Variants in AGBL2 observed in about 807,000 individuals in gnomAD.
AGBL2 encodes the protein AGBL carboxypeptidase 2.
Under a neutral mutation model 103.0 loss-of-function variants are expected in AGBL2, and 87 were observed. The observed-to-expected ratio is 0.84, with a 90% CI of 0.71 to 1.01. AGBL2 has a LOEUF of 1.01. Among genes scored for constraint, AGBL2 ranks in the 50% least tolerant of loss-of-function variants. The pLI is 0.00. For missense variants in AGBL2, 904 were observed against 1,023.5 expected (o/e 0.88, Z 1.59); for synonymous variants, 335 against 356.7 (o/e 0.94, Z 0.69).
Position 47,671,950 on chromosome 11 carries a change from G to C in AGBL2, c.2148-3043C>G, listed in dbSNP as rs537332499. On this transcript the variant is annotated intron_variant, in intron 14 of 18. Coordinates refer to ENST00000525123, the MANE Select transcript of AGBL2 (RefSeq NM_024783.4). The stretch of plus-strand genomic sequence containing the variant: ...CCTTTGCAATCGTGACAATGAATAG[G>C]TGGAACCCCACTGGAGACTGTGACA... 9.9e-5 allele frequency among the ~76,000 whole-genome samples: 15 copies of C among 152,252 alleles called. No homozygotes were observed. In the South Asian group the frequency reaches 2.9e-3, roughly 29 times the overall value.
intron 18 of AGBL2, among the ~76,000 whole-genome samples, chr11:47,662,532 ACC>A (rs1361589919): frequency 7.0e-6 from 1 of 142,208 alleles, no homozygotes; most frequent in African/African-American, 2.6e-5. Context: ...GCACTCTGTC[ACC>A]CAGGCTGGAG....
Position 47,660,076 on chromosome 11 carries a change from G to T in AGBL2, c.*97C>A, listed in dbSNP as rs1190967497. ...GAGTGCACAACACAGTATACCACAA[G>T]TAAATGCAGTTCCCAGTCATACATC... is the stretch of plus-strand genomic sequence containing the variant. On this transcript the variant is annotated 3_prime_UTR_variant, in exon 19 of 19. Coordinates refer to ENST00000525123, the MANE Select transcript of AGBL2 (RefSeq NM_024783.4). 2.2e-6 allele frequency: 3 copies of T among 1,351,812 alleles called. No individual in the cohort carries two copies. The highest frequency in any genetic ancestry group is 3.0e-6 in the Non-Finnish European group (3 of 984,240). 83.7% of individuals were successfully genotyped at this position (1,351,812 alleles called of 1,614,324 possible).
Position 47,667,682 on chromosome 11 carries a change from C to A in AGBL2, c.2229G>T (p.Lys743Asn), listed in dbSNP as rs201481571. The A allele has an allele frequency of 6.0e-5, 96 of 1,611,480 alleles. No homozygotes were observed. Among genetic ancestry groups the A allele is most frequent in the Non-Finnish European group, 7.6e-5 (90 of 1,179,628 alleles). ...ANIADELTQK[K>N]KMFKKKKKKS... is the part of the protein sequence containing the mutation. ...TCTTTTTTTTCTTCTTAAACATCTT[C>A]TTTTTCTGAGTCAGCTATTCCAGAA... The change falls in exon 16 of 19, where the codon AAG (lysine) becomes AAT (asparagine). Residue 743 changes from lysine to asparagine, a missense_variant. Lys to Asn is a moderately conservative substitution (Grantham distance 94). Transcript: ENST00000525123.
intron 14 of AGBL2, among the ~76,000 whole-genome samples, chr11:47,676,506 C>G (rs2097375054): frequency 6.6e-6 from 1 of 152,166 alleles, no homozygotes; most frequent in Non-Finnish European, 1.5e-5. Flanking sequence ...ACACAGCAGC[C>G]AGTGTTCCTG....
chr11:47,662,646 C>T (rs1014567464), intron 18 of AGBL2, among the ~76,000 whole-genome samples: 4 of 151,992 alleles, frequency 2.6e-5, no homozygotes, highest in Non-Finnish European at 5.9e-5. Flanking sequence ...GCACACACCA[C>T]CATGCCCAAC....
At chr11:47,689,933 C>T (rs146155414) in intron 10 of AGBL2, 143 bp downstream of exon 10, 2 of 667,724 alleles carry the variant, frequency 3.0e-6, no homozygotes, top group East Asian at 6.0e-5. Context: ...CACTTGACTA[C>T]AAAGAGACTG....
Position 47,669,858 on chromosome 11 carries a change from G to T in AGBL2, c.2148-951C>A, listed in dbSNP as rs563345785. Reference sequence around the variant, plus strand: ...GATCTCCTGACTTCATGATCCTCCCGCCTCGGCCTCCCAAAGTGCTGGGAT... The same window carrying T: ...GATCTCCTGACTTCATGATCCTCCCTCCTCGGCCTCCCAAAGTGCTGGGAT... On this transcript the variant is annotated intron_variant, in intron 14 of 18. Transcript: ENST00000525123. Among the ~76,000 whole-genome samples, 10 of 152,158 alleles carry T rather than the reference G, an allele frequency of 6.6e-5. No homozygotes were observed. The South Asian group carries it at 2.1e-3, about 32-fold the overall frequency.
At position 47,677,361 on chromosome 11, in the gene AGBL2, T is replaced by C. The variant is rs140459255; in HGVS notation, c.2057A>G (p.Gln686Arg). 4 of 1,611,228 alleles carry C rather than the reference T, an allele frequency of 2.5e-6. No individual in the cohort carries two copies. The highest frequency in any genetic ancestry group is 2.7e-5 in the African/African-American group (2 of 74,820). ...CLAELKELLR[Q>R]EIHKKFHELG... ...TTCATGGAATTTCTTGTGGATTTCC[T>C]GTCGTAAAAGCTCCTTAAGCTCTGC... Residue 686 changes from glutamine (Q) to arginine (R), a missense_variant, in exon 14 of 19, where the codon CAG (glutamine) becomes CGG (arginine). Gln to Arg is a conservative substitution (Grantham distance 43). Transcript: ENST00000525123.
chr11:47,711,795 A>G (rs1213663814), intron 3 of AGBL2, among the ~76,000 whole-genome samples: 1 of 152,160 alleles, frequency 6.6e-6, no homozygotes, highest in Admixed American at 6.5e-5. Flanking sequence ...TTGGCCTCCC[A>G]AAGTGCTGGG....
intron 14 of AGBL2, among the ~76,000 whole-genome samples, chr11:47,671,872 T>C (rs1425921112): frequency 6.6e-6 from 1 of 152,194 alleles, no homozygotes; most frequent in Non-Finnish European, 1.5e-5. Flanking sequence ...AACCTTTGTG[T>C]GTACACACAC....
At chr11:47,674,194 A>G (rs1193966861) in intron 14 of AGBL2, among the ~76,000 whole-genome samples, 1 of 152,156 alleles carries the variant, frequency 6.6e-6, no homozygotes, top group Non-Finnish European at 1.5e-5. Flanking sequence ...CCTAAGGGGG[A>G]TAAGGAGTGG....
At chr11:47,671,383 G>C (rs946415009) in intron 14 of AGBL2, among the ~76,000 whole-genome samples, 3 of 152,096 alleles carry the variant, frequency 2.0e-5, no homozygotes, top group African/African-American at 7.2e-5. Context: ...AGCTGGGTGT[G>C]GTAGCGGGTG....
At chr11:47,670,980 C>A (rs1004190807) in intron 14 of AGBL2, among the ~76,000 whole-genome samples, 1 of 150,662 alleles carries the variant, frequency 6.6e-6, no homozygotes, top group East Asian at 1.9e-4. Context: ...GGCGACAGAG[C>A]GACACTCTTT....
chr11:47,703,106 C>T (rs2097504919), intron 7 of AGBL2, among the ~76,000 whole-genome samples: 2 of 152,012 alleles, frequency 1.3e-5, no homozygotes, highest in South Asian at 4.2e-4. Flanking sequence ...AAGAAAACTC[C>T]AATAAACTCA....
At chr11:47,699,370 C>G (rs192229846) in intron 8 of AGBL2, 76 bp downstream of exon 8, 7 of 860,658 alleles carry the variant, frequency 8.1e-6, no homozygotes, top group Non-Finnish European at 1.1e-5. Flanking sequence ...TTTTTAAAAT[C>G]ACTTTTATTA....
In AGBL2 at chr11:47,686,021, A is replaced by G; in HGVS notation, c.1660T>C (p.Tyr554His). 2 of 1,614,100 alleles carry G rather than the reference A, an allele frequency of 1.2e-6. No individual in the cohort carries two copies. Among genetic ancestry groups the G allele is most frequent in the South Asian group, 1.1e-5 (1 of 91,034 alleles). Reference protein sequence around the residue: ...RLLEEREVLLYCDFHGHSRKN... With the variant: ...RLLEEREVLLHCDFHGHSRKN... Reference sequence around the variant, plus strand: ...CGACTGTGGCCATGGAAATCACAATACAACAGAACCTCTCTTTCTTCAAGA... The same window carrying G: ...CGACTGTGGCCATGGAAATCACAATGCAACAGAACCTCTCTTTCTTCAAGA... Residue 554 changes from tyrosine to histidine, a missense_variant, in exon 11 of 19, where the codon TAT becomes CAT. By Grantham distance (83) the Tyr-to-His change is moderately conservative. Coordinates refer to ENST00000525123, the MANE Select transcript of AGBL2 (RefSeq NM_024783.4).
chr11:47,678,343 A>ATTATTATTATTTTTTTTTT (rs2097385523), intron 13 of AGBL2, among the ~76,000 whole-genome samples: 1 of 116,762 alleles, frequency 8.6e-6, no homozygotes, highest in South Asian at 3.6e-4. Context: ...TTATTATTTT[A>ATTATTATTATTTTTTTTTT]TTTTTTTTGA....
chr11:47,672,863 G>A lies in AGBL2; in HGVS notation c.2148-3956C>T, dbSNP rs144746893. On this transcript the variant is annotated intron_variant, in intron 14 of 18. Transcript: ENST00000525123. ...TTTCCACTGTCCACCACAGACTACA[G>A]TGCAGCCTCTGTCAGAAGACTTCCA... Among the ~76,000 whole-genome samples the A allele has an allele frequency of 3.6e-3, 544 of 152,292 alleles. 3 individuals are homozygous for A. Among genetic ancestry groups the A allele is most frequent in the African/African-American group, 0.013 (529 of 41,556 alleles).
chr11:47,697,858 A>T (rs1167938009), intron 8 of AGBL2, among the ~76,000 whole-genome samples: 3 of 138,624 alleles, frequency 2.2e-5, no homozygotes, highest in African/African-American at 8.1e-5. Context: ...TTTTTATTTT[A>T]TTTTTTATTT....
Sources: gnomAD v4.1 joint callset for allele counts (sites outside exome capture counted in the v4.1 genomes callset) on GRCh38, gnomAD v4.1.1 for gene constraint, MANE v1.5 for transcripts, NCBI Gene and HGNC (gene_info 2026-07-23, HGNC 2026-07-21) for gene names.